The following PRKCA variants were observed in gnomAD, a reference collection of about 807,000 sequenced individuals.
The protein encoded by PRKCA is protein kinase C alpha type.
PRKCA carries 27 observed loss-of-function variants against 87.0 expected under a neutral mutation model. The ratio of observed to expected loss-of-function variants is 0.31; its 90% CI spans 0.23 to 0.43. The LOEUF is 0.43. PRKCA is among the 20% of genes least tolerant of loss of function. The pLI, the probability that PRKCA is intolerant of heterozygous loss-of-function variation, is 1.00. For missense variants in PRKCA, 518 were observed against 852.3 expected (o/e 0.61, Z 4.88); for synonymous variants, 329 against 311.1 (o/e 1.06, Z -0.61).
At chr17:66,697,956 A>G (rs942302281) in intron 8 of PRKCA, among the ~76,000 whole-genome samples, 3 of 152,220 alleles carry the variant, frequency 2.0e-5, no homozygotes, top group Admixed American at 6.5e-5. Flanking sequence ...CTTAGCACCT[A>G]ACCTAGCTTT....
intron 3 of PRKCA, among the ~76,000 whole-genome samples, chr17:66,585,329 G>T (rs1338400767): frequency 2.0e-5 from 3 of 152,126 alleles, no homozygotes; most frequent in Non-Finnish European, 4.4e-5. Context: ...TTTCCTATCC[G>T]CAGAGCTGCC....
intron 2 of PRKCA, among the ~76,000 whole-genome samples, chr17:66,434,852 A>G (rs907554103): frequency 1.3e-5 from 2 of 152,210 alleles, no homozygotes; most frequent in Non-Finnish European, 2.9e-5. Flanking sequence ...TATGAGGAAC[A>G]AGTACAATCA....
chr17:66,797,095 A>C, intron 16 of PRKCA: 2 of 731,346 alleles, frequency 2.7e-6, no homozygotes, highest in South Asian at 6.2e-5. Context: ...GCCGAGGTAA[A>C]GGGCAGGGGT....
At chr17:66,645,653 C>T (rs147106678) in intron 5 of PRKCA, 142 bp downstream of exon 5, 167 of 1,226,940 alleles carry the variant, frequency 1.4e-4, no homozygotes, top group Non-Finnish European at 1.9e-4. Context: ...ATCACTGTCT[C>T]AGAGCCCTCC....
In PRKCA at chr17:66,537,269, G is replaced by C. The variant is rs553829885; in HGVS notation, c.288+40986G>C. Among the ~76,000 whole-genome samples, 199 of 152,246 alleles carry C rather than the reference G, an allele frequency of 1.3e-3. 1 individual carries two copies. The highest frequency in any genetic ancestry group is 4.6e-3 in the African/African-American group (190 of 41,534). The stretch of plus-strand genomic sequence containing the variant: ...AAATTATTACCATAATTTATGGTGA[G>C]AATTATTTGGGGCCACAGATGTCAA... On this transcript the variant is annotated intron_variant, in intron 3 of 16. Coordinates refer to ENST00000413366, the MANE Select transcript of PRKCA (RefSeq NM_002737.3).
At chr17:66,559,367 T>G (rs1042898199) in intron 3 of PRKCA, among the ~76,000 whole-genome samples, 3 of 150,406 alleles carry the variant, frequency 2.0e-5, no homozygotes, top group Non-Finnish European at 4.4e-5. Flanking sequence ...TCCCAGCTAC[T>G]CAGGAGGCTG....
At position 66,321,368 on chromosome 17, in the gene PRKCA, A is replaced by G. The variant is rs1006478868; in HGVS notation, c.205+15241A>G. On this transcript the variant is annotated intron_variant, in intron 2 of 16. Coordinates refer to ENST00000413366, the MANE Select transcript of PRKCA (RefSeq NM_002737.3). ...CAGTTGGTCTGAAGATACTCGGAGG[A>G]TGGACAGAAATGACCACAGCTGATT... Among the ~76,000 whole-genome samples, 8 of 152,328 alleles carry G rather than the reference A, an allele frequency of 5.3e-5. No individual in the cohort carries two copies. The East Asian group carries it at 1.5e-3, about 29-fold the overall frequency.
At chr17:66,742,593 G>T in intron 12 of PRKCA, 29 bp from the exon 13 acceptor site, 1 of 1,610,500 alleles carries the variant, frequency 6.2e-7, no homozygotes, top group East Asian at 2.2e-5. Flanking sequence ...TCATGGGAAG[G>T]ACTCTGATGT....
chr17:66,586,729 G>A (rs1015143677), intron 3 of PRKCA, among the ~76,000 whole-genome samples: 1 of 152,194 alleles, frequency 6.6e-6, no homozygotes, highest in African/African-American at 2.4e-5. Flanking sequence ...TTTTGCTGCT[G>A]TCTGAAGTTG....
At chr17:66,770,199 A>G (rs1974902547) in intron 13 of PRKCA, among the ~76,000 whole-genome samples, 1 of 152,234 alleles carries the variant, frequency 6.6e-6, no homozygotes, top group African/African-American at 2.4e-5. Flanking sequence ...TTGTTCATTC[A>G]TGCATCCAGT....
chr17:66,460,471 C>T (rs1002984186), intron 2 of PRKCA, among the ~76,000 whole-genome samples: 3 of 152,176 alleles, frequency 2.0e-5, no homozygotes, highest in Non-Finnish European at 1.5e-5. Flanking sequence ...TCATCCTTTA[C>T]CCCCATTTCT....
At chr17:66,510,334 C>T (rs181018899) in intron 3 of PRKCA, among the ~76,000 whole-genome samples, 110 of 152,276 alleles carry the variant, frequency 7.2e-4, no homozygotes, top group East Asian at 6.2e-3. Flanking sequence ...TTAAGCCTAA[C>T]GAAATTATGC....
intron 2 of PRKCA, among the ~76,000 whole-genome samples, chr17:66,348,256 G>C (rs1166541917): frequency 6.6e-6 from 1 of 151,946 alleles, no homozygotes; most frequent in Non-Finnish European, 1.5e-5. Context: ...ATCAATAATT[G>C]TTAATGCTTC....
chr17:66,593,406 C>G (rs766307877), intron 3 of PRKCA, among the ~76,000 whole-genome samples: 1 of 152,154 alleles, frequency 6.6e-6, no homozygotes, highest in Admixed American at 6.5e-5. Context: ...GGCACCAAAG[C>G]TCTGTGTCTT....
At chr17:66,619,410 G>T (rs950557894) in intron 3 of PRKCA, among the ~76,000 whole-genome samples, 1 of 151,058 alleles carries the variant, frequency 6.6e-6, no homozygotes, top group African/African-American at 2.4e-5. Flanking sequence ...TTCTAAACAT[G>T]AGAGCAACAG....
chr17:66,501,927 G>A (rs923145707), intron 3 of PRKCA, among the ~76,000 whole-genome samples: 1 of 152,218 alleles, frequency 6.6e-6, no homozygotes, highest in Non-Finnish European at 1.5e-5. Flanking sequence ...GCCTCCGTGG[G>A]CTGCTCTGGC....
At chr17:66,524,575 A>C (rs1048067312) in intron 3 of PRKCA, among the ~76,000 whole-genome samples, 1 of 152,088 alleles carries the variant, frequency 6.6e-6, no homozygotes, top group South Asian at 2.1e-4. Flanking sequence ...CTCTTCTGTA[A>C]TTTTTCAATC....
intron 8 of PRKCA, among the ~76,000 whole-genome samples, chr17:66,693,049 G>A (rs943119341): frequency 6.6e-6 from 1 of 152,180 alleles, no homozygotes; most frequent in South Asian, 2.1e-4. Context: ...GAAACCAAAC[G>A]AGCATTTACA....
At chr17:66,441,794 C>T (rs1913778818) in intron 2 of PRKCA, among the ~76,000 whole-genome samples, 1 of 151,970 alleles carries the variant, frequency 6.6e-6, no homozygotes, top group Non-Finnish European at 1.5e-5. Context: ...ATGATTTTTC[C>T]TCTTAGACCT....
Sources: allele counts gnomAD v4.1 joint callset (sites outside exome capture counted in the v4.1 genomes callset), GRCh38; gene constraint gnomAD v4.1.1; transcripts MANE v1.5; gene names NCBI Gene and HGNC (gene_info 2026-07-23, HGNC 2026-07-21).